The following SSU72 variants were observed in gnomAD, a reference collection of about 807,000 sequenced individuals.
The protein encoded by SSU72 is RNA polymerase II subunit A C-terminal domain phosphatase SSU72.
In SSU72, 12 loss-of-function variants were observed where a neutral mutation model predicts 22.7. The observed-to-expected ratio is 0.53, with a 90% CI of 0.34 to 0.86. The LOEUF (loss-of-function observed/expected upper bound fraction) is 0.86, where lower values mean the gene tolerates loss of function less well. SSU72 is among the 40% of genes least tolerant of loss of function. The pLI is 0.02. For missense variants in SSU72, 151 were observed against 249.8 expected (o/e 0.60, Z 2.67); for synonymous variants, 116 against 98.3 (o/e 1.18, Z -1.06).
intron 2 of SSU72, chr1:1,562,388 C>CAA (rs1375395760): frequency 6.6e-6 from 1 of 152,284 alleles, no homozygotes; most frequent in African/African-American, 2.4e-5. Context: ...TGAGATGAGA[C>CAA]AAAAGCCTCC....
intron 2 of SSU72, among the ~76,000 whole-genome samples, chr1:1,552,822 A>G (rs932293920): frequency 6.6e-6 from 1 of 152,070 alleles, no homozygotes; most frequent in African/African-American, 2.4e-5. Context: ...GGAGTTTGAG[A>G]CCAGCCTGGC....
chr1:1,566,590 C>G (rs1417585814), intron 1 of SSU72, among the ~76,000 whole-genome samples: 1 of 152,150 alleles, frequency 6.6e-6, no homozygotes, highest in Non-Finnish European at 1.5e-5. Flanking sequence ...CGGTGGCTCA[C>G]GCCTGTAGTT....
chr1:1,545,308 C>T (rs1393165392), intron 2 of SSU72: 5 of 353,292 alleles, frequency 1.4e-5, no homozygotes, highest in African/African-American at 6.2e-5. Flanking sequence ...ACCCAGACCT[C>T]TCCCCTCACT....
intron 2 of SSU72, chr1:1,545,966 GCT>G (rs1642384749): frequency 6.6e-6 from 1 of 152,324 alleles, no homozygotes. Context: ...TGGGGTGAAC[GCT>G]GACACACACC....
intron 1 of SSU72, among the ~76,000 whole-genome samples, chr1:1,568,135 T>A (rs531835782): frequency 1.2e-4 from 19 of 152,206 alleles, no homozygotes; most frequent in Non-Finnish European, 2.6e-4. Context: ...TCTCCCAAAC[T>A]GATGCAACCG....
At chr1:1,552,621 C>T (rs1334393300) in intron 2 of SSU72, among the ~76,000 whole-genome samples, 1 of 152,224 alleles carries the variant, frequency 6.6e-6, no homozygotes, top group Non-Finnish European at 1.5e-5. Flanking sequence ...GTGTCTCCTT[C>T]CTGAACACTT....
intron 2 of SSU72, among the ~76,000 whole-genome samples, chr1:1,551,731 C>G (rs372861721): frequency 6.6e-6 from 1 of 152,230 alleles, no homozygotes; most frequent in Non-Finnish European, 1.5e-5. Context: ...GGACACAGCA[C>G]CCATGTCCAG....
At position 1,544,683 on chromosome 1, in the gene SSU72, C is replaced by G. The variant is rs988735944; in HGVS notation, c.364+180G>C. 9.4e-6 allele frequency: 7 copies of G among 743,062 alleles called. No homozygotes were observed. The African/African-American group carries it at 1.0e-4, about 11-fold the overall frequency. 46.0% of individuals were successfully genotyped at this position (743,062 alleles called of 1,614,324 possible). On this transcript the variant is annotated intron_variant, in intron 3 of 4. Transcript: ENST00000291386. ...TTGAAGCCCATGAGGCTGCAGCCAG[C>G]ACATGGGTGGTTCAGCGACCAGCGG...
chr1:1,566,180 G>A (rs541695987), intron 1 of SSU72, among the ~76,000 whole-genome samples: 26 of 152,036 alleles, frequency 1.7e-4, no homozygotes, highest in Admixed American at 1.5e-3. Flanking sequence ...CATGAGAATC[G>A]CTTGAACCCA....
At chr1:1,570,910 G>C (rs918871047) in intron 1 of SSU72, among the ~76,000 whole-genome samples, 1 of 151,960 alleles carries the variant, frequency 6.6e-6, no homozygotes, top group African/African-American at 2.4e-5. Context: ...AGGAGATCGA[G>C]ACCACCCTGG....
chr1:1,555,742 A>T (rs1423223344), intron 2 of SSU72, among the ~76,000 whole-genome samples: 5 of 152,200 alleles, frequency 3.3e-5, no homozygotes, highest in Non-Finnish European at 7.3e-5. Flanking sequence ...TGACACCTGT[A>T]ATCCCAGCAC....
intron 1 of SSU72, among the ~76,000 whole-genome samples, chr1:1,572,584 G>C (rs1642744522): frequency 1.3e-5 from 2 of 149,248 alleles, no homozygotes; most frequent in South Asian, 4.3e-4. Flanking sequence ...AGCCTCCCGA[G>C]TAACTGGGAC....
In SSU72 at chr1:1,574,375, C is replaced by T. The variant is rs1311640473; in HGVS notation, c.80+103G>A. On this transcript the variant is annotated intron_variant, in intron 1 of 4. Transcript: ENST00000291386. The stretch of plus-strand genomic sequence containing the variant: ...GCCGACCCACGAGCGCGGCCCGGCC[C>T]GGCTTCCTCTCAGGGGTCCTGGCGC... The T allele has an allele frequency of 8.5e-6, 11 of 1,296,990 alleles. No individual in the cohort carries two copies. The East Asian group carries it at 1.8e-4, about 21-fold the overall frequency. The allele number at this position is 1,296,990 out of a possible 1,614,324, so 80.3% of individuals were successfully genotyped here. A position where few individuals can be genotyped will look rare whatever the true frequency, so the allele number is the denominator to read the frequency against.
intron 1 of SSU72, among the ~76,000 whole-genome samples, chr1:1,565,738 G>GGAACCGAGACCCAACACCCAA (rs1311755433): frequency 5.3e-5 from 8 of 152,142 alleles, no homozygotes; most frequent in East Asian, 1.9e-4. Context: ...TTGTTCCTTG[G>GGAACCGAGACCCAACACCCAA]ACTTCCTAGT....
chr1:1,572,884 G>GGT (rs1642749537), intron 1 of SSU72, among the ~76,000 whole-genome samples: 1 of 147,518 alleles, frequency 6.8e-6, no homozygotes, highest in Admixed American at 6.7e-5. Context: ...TCTTGGGGGG[G>GGT]GGGGGGTGAG....
intron 1 of SSU72, among the ~76,000 whole-genome samples, chr1:1,572,093 C>T (rs941228847): frequency 2.0e-5 from 3 of 150,892 alleles, no homozygotes; most frequent in Admixed American, 2.0e-4. Context: ...CCGCGCCCAG[C>T]CCTAAATAGA....
At chr1:1,568,446 A>T (rs1258589871) in intron 1 of SSU72, among the ~76,000 whole-genome samples, 1 of 151,856 alleles carries the variant, frequency 6.6e-6, no homozygotes, top group Non-Finnish European at 1.5e-5. Context: ...AAAAAATAAA[A>T]AAATAAAAAA....
At position 1,574,557 on chromosome 1, in the gene SSU72, T is replaced by TGGCGGC. The variant is rs764120397; in HGVS notation, c.-6_-1dup. 69 of 1,585,050 alleles carry TGGCGGC rather than the reference T, an allele frequency of 4.4e-5. No homozygotes were observed. Among genetic ancestry groups the TGGCGGC allele is most frequent in the Non-Finnish European group, 5.6e-5 (65 of 1,168,778 alleles). On this transcript the variant is annotated 5_prime_UTR_variant, in exon 1 of 5. Transcript: ENST00000291386. ...GCCACCCGCAGCGGGGACGACGGCA[T>TGGCGGC]GGCGGCGGCCGCAAATCCCGCGGCT...
chr1:1,567,929 A>AAAAAAAAAT (rs1642682168), intron 1 of SSU72, among the ~76,000 whole-genome samples: 1 of 150,542 alleles, frequency 6.6e-6, no homozygotes, highest in South Asian at 2.1e-4. Context: ...AAAAAAAAAA[A>AAAAAAAAAT]TCGCACAAAG....
Sources: allele counts gnomAD v4.1 joint callset (sites outside exome capture counted in the v4.1 genomes callset), GRCh38; gene constraint gnomAD v4.1.1; transcripts MANE v1.5; gene names NCBI Gene and HGNC (gene_info 2026-07-23, HGNC 2026-07-21).